Variants in KDM4B observed in about 807,000 individuals in gnomAD.
The protein encoded by KDM4B is lysine demethylase 4B.
KDM4B carries 32 observed loss-of-function variants against 125.2 expected under a neutral mutation model. That is an observed-to-expected ratio of 0.26 (90% CI 0.19 to 0.34). The LOEUF (loss-of-function observed/expected upper bound fraction) is 0.34, where lower values mean the gene tolerates loss of function less well. Ranked by LOEUF, KDM4B falls within the 10% of genes least tolerant of loss-of-function variation. The probability of loss-of-function intolerance (pLI) is 1.00; values close to 1 mark genes in which losing one functional copy is unlikely to be tolerated. For missense variants in KDM4B, 1,190 were observed against 1,577.7 expected, an observed-to-expected ratio of 0.75 and a Z score of 4.16; for synonymous variants, 721 against 677.9, an observed-to-expected ratio of 1.06 and a Z score of -0.99.
At chr19:5,033,096 T>C (rs535474755) in intron 3 of KDM4B, 65 bp downstream of exon 3, 4 of 1,573,022 alleles carry the variant, frequency 2.5e-6, no homozygotes, top group South Asian at 2.3e-5. Flanking sequence ...GCGGACATCC[T>C]GGGTCCCAGC....
chr19:5,049,737 T>G (rs1248430523), intron 6 of KDM4B, among the ~76,000 whole-genome samples: 6 of 152,108 alleles, frequency 3.9e-5, no homozygotes, highest in Non-Finnish European at 8.8e-5. Flanking sequence ...CAACGTCTAC[T>G]ACGGGCTATC....
At chr19:5,146,395 G>T (rs1027541306) in intron 21 of KDM4B, among the ~76,000 whole-genome samples, 2 of 152,246 alleles carry the variant, frequency 1.3e-5, no homozygotes, top group Non-Finnish European at 2.9e-5. Context: ...GGGTGGTTTC[G>T]GGGACAAGCC....
At chr19:5,041,708 G>A (rs940320197) in intron 5 of KDM4B, among the ~76,000 whole-genome samples, 4 of 152,242 alleles carry the variant, frequency 2.6e-5, no homozygotes, top group Non-Finnish European at 5.9e-5. Flanking sequence ...CTGCTGGAGC[G>A]TCCTCTTGTC....
intron 7 of KDM4B, chr19:5,075,987 G>A (rs1000604598): frequency 5.4e-5 from 9 of 166,242 alleles, no homozygotes; most frequent in African/African-American, 1.2e-4. Context: ...ACTCCTCACC[G>A]TCCCTGGCTG....
intron 2 of KDM4B, among the ~76,000 whole-genome samples, chr19:5,019,165 C>T (rs2035988414): frequency 8.8e-6 from 1 of 113,072 alleles, no homozygotes; most frequent in African/African-American, 3.7e-5. Context: ...TGTTGGTGTG[C>T]AGGTGCTGGT....
chr19:5,064,555 G>A (rs889824576), intron 6 of KDM4B, among the ~76,000 whole-genome samples: 1 of 152,204 alleles, frequency 6.6e-6, no homozygotes, highest in Non-Finnish European at 1.5e-5. Context: ...TGGGCCGTGG[G>A]TTGGATTCCA....
Position 4,992,650 on chromosome 19 carries a change from A to G in KDM4B, c.-109+23420A>G, listed in dbSNP as rs577270268. The stretch of plus-strand genomic sequence containing the variant: ...AATTTTGTGGAGAGGAGGTCTCACT[A>G]TATTTCCCCAGGCTGGTCTCGTACT... On this transcript the variant is annotated intron_variant, in intron 1 of 22. Coordinates refer to ENST00000159111, the MANE Select transcript of KDM4B (RefSeq NM_015015.3). Among the ~76,000 whole-genome samples, 4 of 152,126 alleles carry G rather than the reference A, an allele frequency of 2.6e-5. No individual in the cohort carries two copies. The East Asian group carries it at 5.8e-4, about 22-fold the overall frequency.
At chr19:5,062,506 A>AT (rs2145782597) in intron 6 of KDM4B, among the ~76,000 whole-genome samples, 1 of 152,306 alleles carries the variant, frequency 6.6e-6, no homozygotes, top group Non-Finnish European at 1.5e-5. Context: ...GCCTGTGAGT[A>AT]CAGCAGGCAA....
At chr19:5,148,497 T>C (rs1199216932) in intron 21 of KDM4B, among the ~76,000 whole-genome samples, 1 of 152,142 alleles carries the variant, frequency 6.6e-6, no homozygotes, top group Non-Finnish European at 1.5e-5. Context: ...CGCCTTCCCC[T>C]CCTGGCAAGG....
At chr19:5,077,501 G>A (rs1294559705) in intron 8 of KDM4B, 31 bp downstream of exon 8, 1 of 1,580,482 alleles carries the variant, frequency 6.3e-7, no homozygotes, top group Admixed American at 1.7e-5. Flanking sequence ...CACGCCTGTG[G>A]GTGAAGTGGG....
rs1193761585 is a variant in KDM4B at position 5,112,016 on chromosome 19, G to T, written c.1115+1198G>T. The T allele has an allele frequency of 5.3e-6, 3 of 568,452 alleles. No individual in the cohort carries two copies. The East Asian group carries it at 8.7e-5, about 17-fold the overall frequency. The allele number at this position is 568,452 out of a possible 1,614,324, so 35.2% of individuals were successfully genotyped here. ...CACCTGTAATCTCTGCACTTTGGAG[G>T]CCAAGGAAGGAGGATTGCTTGAGTC... On this transcript the variant is annotated intron_variant, in intron 10 of 22. Coordinates refer to ENST00000159111, the MANE Select transcript of KDM4B (RefSeq NM_015015.3).
At chr19:5,017,957 G>A (rs1457872754) in intron 2 of KDM4B, among the ~76,000 whole-genome samples, 1 of 151,986 alleles carries the variant, frequency 6.6e-6, no homozygotes, top group Non-Finnish European at 1.5e-5. Flanking sequence ...AGCCAGGATG[G>A]TCTCCATTTC....
chr19:5,039,427 C>T (rs1461098395), intron 3 of KDM4B, among the ~76,000 whole-genome samples: 1 of 152,102 alleles, frequency 6.6e-6, no homozygotes, highest in Non-Finnish European at 1.5e-5. Context: ...TGCAGTCCAG[C>T]CTGAGTGACA....
chr19:4,993,456 T>C (rs1178812540), intron 1 of KDM4B, among the ~76,000 whole-genome samples: 1 of 152,178 alleles, frequency 6.6e-6, no homozygotes, highest in African/African-American at 2.4e-5. Context: ...CTCCAGCTAT[T>C]GTTGAATTAC....
At position 5,114,343 on chromosome 19, in the gene KDM4B, G is replaced by C. The variant is rs1160075745; in HGVS notation, c.1115+3525G>C. The stretch of plus-strand genomic sequence containing the variant: ...CCCCTACCCCTCCGAGCTCGGTGCT[G>C]CCTGTCCCCTCCTGCTCTGCCTTGG... On this transcript the variant is annotated intron_variant, in intron 10 of 22. Coordinates refer to ENST00000159111, the MANE Select transcript of KDM4B (RefSeq NM_015015.3). The surrounding 1 kb of genome is among the most constrained non-coding windows in gnomAD (Gnocchi z 5.8). 1.3e-6 allele frequency: 1 copy of C among 771,860 alleles called. No individual in the cohort carries two copies. The highest frequency in any genetic ancestry group is 1.9e-6 in the Non-Finnish European group (1 of 515,846). 47.8% of individuals were successfully genotyped at this position (771,860 alleles called of 1,614,324 possible).
rs79883994 is a variant in KDM4B, at chr19:5,142,134, C to T, written c.2551-1833C>T. Reference sequence around the variant, plus strand: ...TCTGCAGACCTCTGAAGCCCACCCGCGTCGTCCTCACAGCCCTGTGGCCTC... The same window carrying T: ...TCTGCAGACCTCTGAAGCCCACCCGTGTCGTCCTCACAGCCCTGTGGCCTC... On this transcript the variant is annotated intron_variant, in intron 18 of 22. Transcript: ENST00000159111. The surrounding 1 kb of genome is among the most constrained non-coding windows in gnomAD (Gnocchi z 5.4). 3.3e-5 allele frequency among the ~76,000 whole-genome samples: 5 copies of T among 152,246 alleles called. No individual in the cohort carries two copies. Among genetic ancestry groups the T allele is most frequent in the African/African-American group, 4.8e-5 (2 of 41,556 alleles).
intron 2 of KDM4B, among the ~76,000 whole-genome samples, chr19:5,028,746 C>A (rs541128936): frequency 6.6e-5 from 10 of 152,320 alleles, no homozygotes; most frequent in African/African-American, 2.2e-4. Flanking sequence ...GTGTCACCGT[C>A]TGTCATTCTG....
chr19:5,111,745 G>A (rs772806414), intron 10 of KDM4B: 4 of 764,844 alleles, frequency 5.2e-6, no homozygotes, highest in African/African-American at 5.1e-5. Flanking sequence ...GGGCCAGAGA[G>A]CAAACATTTG....
chr19:5,122,035 G>T (rs1317623124), intron 11 of KDM4B, among the ~76,000 whole-genome samples: 1 of 152,162 alleles, frequency 6.6e-6, no homozygotes, highest in Non-Finnish European at 1.5e-5. Context: ...TGAAATGAAG[G>T]ACCATGACCT....
Sources: allele counts gnomAD v4.1 joint callset (sites outside exome capture counted in the v4.1 genomes callset), GRCh38; gene constraint gnomAD v4.1.1; non-coding constraint Gnocchi (gnomAD v3.1); transcripts MANE v1.5; gene names NCBI Gene and HGNC (gene_info 2026-07-23, HGNC 2026-07-21).